The following DIS3L2 variants were observed in gnomAD, a reference collection of about 807,000 sequenced individuals.
DIS3L2 encodes the protein DIS3 like 3'-5' exoribonuclease 2, also known as DIS3-like exonuclease 2.
In DIS3L2, 34 loss-of-function variants were observed where a neutral mutation model predicts 97.5. The observed-to-expected ratio is 0.35, with a 90% CI of 0.27 to 0.46. DIS3L2 has a LOEUF of 0.46. DIS3L2 is among the 20% of genes least tolerant of loss of function. The pLI is 1.00. For synonymous variants in DIS3L2, 435 were observed against 445.2 expected (o/e 0.98, Z 0.29); for missense variants, 1,038 against 1,146.0 (o/e 0.91, Z 1.36).
chr2:232,043,288 C>T (rs148881485), intron 5 of DIS3L2, among the ~76,000 whole-genome samples: 70 of 152,164 alleles, frequency 4.6e-4, no homozygotes, highest in African/African-American at 1.5e-3. Flanking sequence ...CCAAGGAGGG[C>T]CACATTTAAA....
chr2:232,333,209 TCCTCCTC>T, intron 16 of DIS3L2, among the ~76,000 whole-genome samples: 1 of 49,608 alleles, frequency 2.0e-5, no homozygotes, highest in Non-Finnish European at 3.3e-5. Context: ...CTCCTCCTCC[TCCTCCTC>T]CTCCGCTGTC....
At chr2:232,118,958 A>T (rs1469683347) in intron 6 of DIS3L2, among the ~76,000 whole-genome samples, 3 of 152,206 alleles carry the variant, frequency 2.0e-5, no homozygotes, top group Non-Finnish European at 4.4e-5. Context: ...TAATCTATCT[A>T]GCTTCTTTTC....
chr2:232,139,569 A>C (rs967378464), intron 8 of DIS3L2, among the ~76,000 whole-genome samples: 5 of 152,198 alleles, frequency 3.3e-5, no homozygotes, highest in Non-Finnish European at 7.4e-5. Context: ...GAGCGTGGAT[A>C]AAACAGATGG....
intron 8 of DIS3L2, among the ~76,000 whole-genome samples, chr2:232,149,196 T>TG (rs1347294922): frequency 6.7e-6 from 1 of 150,296 alleles, no homozygotes; most frequent in African/African-American, 2.5e-5. Context: ...CTTAAAAGTT[T>TG]TTTTTTTTTT....
At chr2:232,241,014 G>A (rs1291531960) in intron 11 of DIS3L2, among the ~76,000 whole-genome samples, 1 of 152,198 alleles carries the variant, frequency 6.6e-6, no homozygotes, top group African/African-American at 2.4e-5. Context: ...TGTGAAAGTG[G>A]GGAGCTGGGT....
chr2:232,253,098 T>G (rs1490888647), intron 12 of DIS3L2, among the ~76,000 whole-genome samples: 2 of 152,226 alleles, frequency 1.3e-5, no homozygotes, highest in Non-Finnish European at 2.9e-5. Flanking sequence ...TGTAATTGCT[T>G]TTCCTCAAGA....
chr2:232,214,178 C>G (rs918953029), intron 10 of DIS3L2, among the ~76,000 whole-genome samples: 3 of 152,166 alleles, frequency 2.0e-5, no homozygotes, highest in Admixed American at 2.0e-4. Flanking sequence ...TTGTACAGAT[C>G]ACTTGCAGCA....
chr2:232,098,573 C>T (rs544306630), intron 6 of DIS3L2, among the ~76,000 whole-genome samples: 10 of 152,224 alleles, frequency 6.6e-5, no homozygotes, highest in Middle Eastern at 3.4e-3. Flanking sequence ...AAGCTGGTCT[C>T]GAACTCCTGT....
chr2:232,021,212 T>C (rs1189679672), intron 3 of DIS3L2, among the ~76,000 whole-genome samples: 2 of 152,076 alleles, frequency 1.3e-5, no homozygotes, highest in East Asian at 3.9e-4. Flanking sequence ...TCAAGGTCTT[T>C]TGCTGGTTGA....
intron 5 of DIS3L2, among the ~76,000 whole-genome samples, chr2:232,036,479 C>T (rs952130027): frequency 1.3e-5 from 2 of 152,096 alleles, no homozygotes; most frequent in Admixed American, 1.3e-4. Flanking sequence ...TCCTTTAGCT[C>T]GGAGGAGTTT....
At chr2:232,079,722 G>T (rs1696330967) in intron 5 of DIS3L2, among the ~76,000 whole-genome samples, 1 of 152,082 alleles carries the variant, frequency 6.6e-6, no homozygotes, top group African/African-American at 2.4e-5. Flanking sequence ...TCTCTGACAG[G>T]CAGATATTTG....
chr2:232,044,475 C>T (rs1223887646), intron 5 of DIS3L2, among the ~76,000 whole-genome samples: 1 of 151,944 alleles, frequency 6.6e-6, no homozygotes, highest in East Asian at 1.9e-4. Context: ...ATGGTGGCAC[C>T]CTTTGCCAAG....
chr2:232,184,727 T>C (rs1691390228), intron 9 of DIS3L2, among the ~76,000 whole-genome samples: 1 of 152,200 alleles, frequency 6.6e-6, no homozygotes, highest in African/African-American at 2.4e-5. Flanking sequence ...ATTAGTAGTG[T>C]TGGGTAGCCT....
chr2:231,972,637 G>C (rs1692955670), intron 1 of DIS3L2, among the ~76,000 whole-genome samples: 1 of 152,152 alleles, frequency 6.6e-6, no homozygotes, highest in South Asian at 2.1e-4. Flanking sequence ...TTTGCCTCCT[G>C]GGTTCAAGCG....
intron 12 of DIS3L2, among the ~76,000 whole-genome samples, chr2:232,262,542 G>A (rs1409383134): frequency 6.6e-6 from 1 of 152,168 alleles, no homozygotes; most frequent in Non-Finnish European, 1.5e-5. Context: ...CAACTTGGTA[G>A]GGAGAGGTGC....
chr2:232,300,778 G>A (rs1694835397), intron 14 of DIS3L2, among the ~76,000 whole-genome samples: 1 of 150,710 alleles, frequency 6.6e-6, no homozygotes, highest in South Asian at 2.1e-4. Context: ...CCTGTTTCCC[G>A]AGTACCTGGT....
intron 5 of DIS3L2, among the ~76,000 whole-genome samples, chr2:232,070,724 A>G (rs907360688): frequency 1.3e-5 from 2 of 151,950 alleles, no homozygotes; most frequent in Non-Finnish European, 2.9e-5. Flanking sequence ...AGCTGGGACT[A>G]CAGGCGCGTA....
intron 13 of DIS3L2, among the ~76,000 whole-genome samples, chr2:232,286,430 G>A (rs902185055): frequency 3.3e-5 from 5 of 152,168 alleles, no homozygotes; most frequent in African/African-American, 9.7e-5. Context: ...CAGAGAGAGT[G>A]TTTCCCAGAT....
intron 5 of DIS3L2, among the ~76,000 whole-genome samples, chr2:232,076,871 C>A (rs1466184092): frequency 6.6e-6 from 1 of 152,124 alleles, no homozygotes; most frequent in African/African-American, 2.4e-5. Context: ...TTCCCACTCC[C>A]AGTATTGCAT....
Sources: gnomAD v4.1 joint callset for allele counts (sites outside exome capture counted in the v4.1 genomes callset) on GRCh38, gnomAD v4.1.1 for gene constraint, MANE v1.5 for transcripts, NCBI Gene and HGNC (gene_info 2026-07-23, HGNC 2026-07-21) for gene names.